Variants in RHPN1 observed in about 807,000 individuals in gnomAD.
RHPN1 encodes the protein rhophilin-1.
In RHPN1, 77 loss-of-function variants were observed where a neutral mutation model predicts 74.7. The ratio of observed to expected loss-of-function variants is 1.03; its 90% CI spans 0.86 to 1.25. The LOEUF is 1.25. Ranked by LOEUF, RHPN1 falls within the 50% of genes most tolerant of loss-of-function variation. The probability of loss-of-function intolerance (pLI) is 0.00; values close to 1 mark genes in which losing one functional copy is unlikely to be tolerated. For synonymous variants in RHPN1, 444 were observed against 414.5 expected (o/e 1.07, Z -0.87); for missense variants, 987 against 932.2 (o/e 1.06, Z -0.77).
At chr8:143,378,564 C>A in intron 5 of RHPN1, 132 bp from the exon 6 acceptor site, 1 of 1,288,574 alleles carries the variant, frequency 7.8e-7, no homozygotes, top group South Asian at 1.5e-5. Flanking sequence ...CTTCGGGAGT[C>A]ACGGCTGCCC....
At chr8:143,370,786 C>G (rs1817769880) in intron 1 of RHPN1, among the ~76,000 whole-genome samples, 1 of 152,248 alleles carries the variant, frequency 6.6e-6, no homozygotes, top group Admixed American at 6.5e-5. Context: ...AGCTGCCGTC[C>G]CTCCCGCAGG....
chr8:143,365,803 C>G (rs1174333225), upstream of RHPN1, among the ~76,000 whole-genome samples: 2 of 151,650 alleles, frequency 1.3e-5, no homozygotes, highest in East Asian at 1.9e-4. Context: ...TTGAGACAAG[C>G]CTGGGCAACA....
rs1359090748 is a variant in RHPN1, at chr8:143,380,126, G to A, written c.1167G>A (p.Lys389=). The change falls in exon 10 of 15, where the codon AAG becomes AAA. Residue 389 remains lysine, a synonymous_variant. Coordinates refer to ENST00000289013, the MANE Select transcript of RHPN1 (RefSeq NM_052924.3). ...TCCTGCAGCCCCCCACCTCCTCTAAGCCCCGAGGCCCTGTGCTGCCGCAGG... is the reference window on the plus strand; with the variant it reads ...TCCTGCAGCCCCCCACCTCCTCTAAACCCCGAGGCCCTGTGCTGCCGCAGG... ...QVFLQPPTSS[K]PRGPVLPQEL... 1.9e-6 allele frequency: 3 copies of A among 1,550,880 alleles called. No individual in the cohort carries two copies. In the South Asian group the frequency reaches 3.6e-5, roughly 18 times the overall value.
chr8:143,380,538 C>G, intron 10 of RHPN1, 51 bp from the exon 11 acceptor site: 1 of 1,419,598 alleles, frequency 7.0e-7, no homozygotes, highest in Non-Finnish European at 9.3e-7. Flanking sequence ...TGCCACGTCC[C>G]AGGGCCCACG....
At chr8:143,375,401 C>T (rs1263330149) in intron 1 of RHPN1, among the ~76,000 whole-genome samples, 152 bp from the exon 2 acceptor site, 3 of 152,238 alleles carry the variant, frequency 2.0e-5, no homozygotes, top group African/African-American at 2.4e-5. Flanking sequence ...TAGTTCTGTC[C>T]AGCCCCTCCC....
intron 10 of RHPN1, 182 bp downstream of exon 10, chr8:143,380,357 T>C (rs1246400994): frequency 1.5e-6 from 1 of 658,012 alleles, no homozygotes; most frequent in South Asian, 2.0e-5. Context: ...GCCCCAGGAG[T>C]GCTGGGCAGC....
intron 5 of RHPN1, 147 bp from the exon 6 acceptor site, chr8:143,378,549 C>A: frequency 8.3e-7 from 1 of 1,198,672 alleles, no homozygotes; most frequent in Non-Finnish European, 1.2e-6. Context: ...CCGCATGCTG[C>A]TGGCCTTCGG....
In RHPN1 at chr8:143,381,319, A is replaced by G. The variant is rs1212189377; in HGVS notation, c.1463A>G (p.Lys488Arg). ...AGGATGCCACGCCTGTCCCAGGGGA[A>G]GGGGCCTGACATCTTCCATCGGCTG... Reference protein sequence around the residue: ...EARMPRLSQGKGPDIFHRLGP... With the variant: ...EARMPRLSQGRGPDIFHRLGP... Residue 488 changes from lysine (K) to arginine (R), a missense_variant, in exon 12 of 15, where the codon AAG becomes AGG. Lys to Arg is a conservative substitution (Grantham distance 26, BLOSUM62 2). Coordinates refer to ENST00000289013, the MANE Select transcript of RHPN1 (RefSeq NM_052924.3). 1.2e-6 allele frequency: 2 copies of G among 1,612,476 alleles called. No homozygotes were observed. Among genetic ancestry groups the G allele is most frequent in the Non-Finnish European group, 1.7e-6 (2 of 1,179,504 alleles).
At chr8:143,370,812 C>T (rs561466402) in intron 1 of RHPN1, among the ~76,000 whole-genome samples, 8 of 152,324 alleles carry the variant, frequency 5.3e-5, no homozygotes, top group African/African-American at 1.9e-4. Flanking sequence ...CAGGGGCTCC[C>T]GGGGGAGGAC....
chr8:143,382,318 C>G (rs961268456), intron 14 of RHPN1, 118 bp from the exon 15 acceptor site: 22 of 899,022 alleles, frequency 2.4e-5, no homozygotes, highest in Non-Finnish European at 3.4e-5. Context: ...ATGGGAGCCC[C>G]CAAACAAGCC....
chr8:143,378,210 C>G (rs984789228), intron 4 of RHPN1, 59 bp from the exon 5 acceptor site: 11 of 1,424,590 alleles, frequency 7.7e-6, no homozygotes, highest in Non-Finnish European at 1.1e-5. Flanking sequence ...GTTGGGAGAC[C>G]TCAGGGAAGG....
intron 8 of RHPN1, 77 bp downstream of exon 8, chr8:143,379,585 A>T: frequency 6.8e-7 from 1 of 1,471,784 alleles, no homozygotes. Context: ...GGCATGCGTG[A>T]GCTCTCCCAC....
chr8:143,372,137 TGGCTG>T (rs1817866104), intron 1 of RHPN1, among the ~76,000 whole-genome samples: 1 of 152,160 alleles, frequency 6.6e-6, no homozygotes, highest in Admixed American at 6.5e-5. Context: ...AGCAGGGACC[TGGCTG>T]GGTGTCTGAT....
At position 143,379,382 on chromosome 8, in the gene RHPN1, C is replaced by G; in HGVS notation, c.819C>G (p.Leu273=). Residue 273 remains leucine, a synonymous_variant, in exon 8 of 15, where the codon CTC becomes CTG. Transcript: ENST00000289013. ...APSPDMSAAS[L]CALEQLMMAQ... ...GCCCAGACATGAGCGCTGCGTCCCT[C>G]TGCGCACTGGAGCAGCTCATGATGG... 1 of 1,600,376 alleles carries G rather than the reference C, an allele frequency of 6.2e-7. No homozygotes were observed. The highest frequency in any genetic ancestry group is 2.3e-5 in the East Asian group (1 of 44,074).
Position 143,379,017 on chromosome 8 carries a change from C to T in RHPN1, c.690C>T (p.Arg230=). ...IGALHTQIGA[R]QDRSCTEGAR... Reference sequence around the variant, plus strand: ...CCCTCCACACGCAGATTGGGGCGCGCCAGGACCGCTCCTGCACCGAGGGTG... The same window carrying T: ...CCCTCCACACGCAGATTGGGGCGCGTCAGGACCGCTCCTGCACCGAGGGTG... Residue 230 remains arginine, a synonymous_variant, in exon 7 of 15, where the codon CGC becomes CGT. Transcript: ENST00000289013. 6.5e-7 allele frequency: 1 copy of T among 1,549,354 alleles called. No homozygotes were observed.
chr8:143,378,851 G>T, intron 6 of RHPN1, 31 bp downstream of exon 6: 2 of 1,568,558 alleles, frequency 1.3e-6, no homozygotes, highest in Non-Finnish European at 1.7e-6. Flanking sequence ...GGCACCCTGG[G>T]GAGGGGAGGC....
chr8:143,376,909 T>C (rs1381494704), intron 3 of RHPN1, among the ~76,000 whole-genome samples: 4 of 145,088 alleles, frequency 2.8e-5, no homozygotes, highest in Admixed American at 2.1e-4. Flanking sequence ...TGTGCGCGTG[T>C]GTCTGTGTGT....
chr8:143,380,088 C>T lies in RHPN1; in HGVS notation c.1129C>T (p.His377Tyr), dbSNP rs541197297. 22 of 1,552,814 alleles carry T rather than the reference C, an allele frequency of 1.4e-5. No homozygotes were observed. In the South Asian group the frequency reaches 2.5e-4, roughly 18 times the overall value. ...SPATEGELPT[H>Y]EQVFLQPPTS... is the part of the protein sequence containing the mutation. ...AGCGACCGAGGGAGAGCTCCCCACG[C>T]ACGAGCAGGTCTTCCTGCAGCCCCC... Residue 377 changes from histidine (H) to tyrosine (Y), a missense_variant, in exon 10 of 15, where the codon CAC (histidine) becomes TAC (tyrosine). Transcript: ENST00000289013.
intron 8 of RHPN1, 70 bp downstream of exon 8, chr8:143,379,578 A>T: frequency 1.4e-6 from 2 of 1,476,814 alleles, no homozygotes; most frequent in South Asian, 1.3e-5. Context: ...AGGTCCAGGC[A>T]TGCGTGAGCT....
Sources: gnomAD v4.1 joint callset for allele counts (sites outside exome capture counted in the v4.1 genomes callset) on GRCh38, gnomAD v4.1.1 for gene constraint, MANE v1.5 for transcripts, NCBI Gene and HGNC (gene_info 2026-07-23, HGNC 2026-07-21) for gene names.